Variants in METTL15 observed in about 807,000 individuals in gnomAD.
METTL15 encodes the protein 12S rRNA N(4)-cytidine methyltransferase METTL15.
In METTL15, 34 loss-of-function variants were observed where a neutral mutation model predicts 38.3. The ratio of observed to expected loss-of-function variants is 0.89; its 90% CI spans 0.68 to 1.18. The LOEUF (loss-of-function observed/expected upper bound fraction) is 1.18. Among genes scored for constraint, METTL15 ranks in the 50% most tolerant of loss-of-function variants. The pLI, the probability that METTL15 is intolerant of heterozygous loss-of-function variation, is 0.00. For missense variants in METTL15, 438 were observed against 498.4 expected (o/e 0.88, Z 1.15); for synonymous variants, 162 against 170.9 (o/e 0.95, Z 0.41).
intron 5 of METTL15, among the ~76,000 whole-genome samples, chr11:28,376,695 T>C (rs535165357): frequency 1.5e-3 from 229 of 152,134 alleles, no homozygotes; most frequent in African/African-American, 5.4e-3. Flanking sequence ...AATTTGATCC[T>C]GTCATTATGA....
intron 6 of METTL15, among the ~76,000 whole-genome samples, chr11:28,474,757 C>G (rs966825422): frequency 1.3e-5 from 2 of 152,130 alleles, no homozygotes; most frequent in African/African-American, 2.4e-5. Context: ...CAGAAATATT[C>G]CCTGTATGTG....
chr11:28,317,176 G>A (rs570940412), intron 6 of METTL15, among the ~76,000 whole-genome samples: 3 of 151,998 alleles, frequency 2.0e-5, no homozygotes, highest in Middle Eastern at 3.4e-3. Flanking sequence ...CCCATAGTGA[G>A]ATCGTGTTGT....
intron 5 of METTL15, among the ~76,000 whole-genome samples, chr11:28,415,332 C>G (rs1302654353): frequency 6.6e-6 from 1 of 152,058 alleles, no homozygotes; most frequent in African/African-American, 2.4e-5. Context: ...GTAGCTAGAG[C>G]AGTTTTTGAA....
chr11:28,406,099 T>C (rs1850671345), intron 5 of METTL15, among the ~76,000 whole-genome samples: 2 of 152,202 alleles, frequency 1.3e-5, no homozygotes, highest in Admixed American at 6.5e-5. Flanking sequence ...GGCTCTTTTT[T>C]GGTCCATATG....
chr11:28,489,305 C>A (rs940411456), intron 6 of METTL15, among the ~76,000 whole-genome samples: 1 of 152,138 alleles, frequency 6.6e-6, no homozygotes, highest in African/African-American at 2.4e-5. Flanking sequence ...ACAAGAGATT[C>A]TTTATTCAAC....
At chr11:28,391,508 T>C (rs1850507457) in intron 5 of METTL15, among the ~76,000 whole-genome samples, 1 of 152,250 alleles carries the variant, frequency 6.6e-6, no homozygotes, top group African/African-American at 2.4e-5. Flanking sequence ...CATTGCCAAG[T>C]CAATCCTAAG....
intron 5 of METTL15, among the ~76,000 whole-genome samples, chr11:28,378,414 T>C (rs1850344557): frequency 6.6e-6 from 1 of 152,122 alleles, no homozygotes; most frequent in African/African-American, 2.4e-5. Flanking sequence ...AGTGAACCGA[T>C]TTTCCAGGTG....
Position 28,202,411 on chromosome 11 carries a change from T to C in METTL15, c.271-8651T>C, listed in dbSNP as rs189426316. The stretch of plus-strand genomic sequence containing the variant: ...TAAATGTCTGGTTTTTGACTCCTTA[T>C]GGAATGCTATGTATATCTTTCTTAC... On this transcript the variant is annotated intron_variant, in intron 3 of 6. Coordinates refer to ENST00000407364, the MANE Select transcript of METTL15 (RefSeq NM_001113528.2). Among the ~76,000 whole-genome samples the C allele has an allele frequency of 1.1e-4, 16 of 152,230 alleles. No individual in the cohort carries two copies. The East Asian group carries it at 3.1e-3, about 29-fold the overall frequency.
intron 6 of METTL15, among the ~76,000 whole-genome samples, chr11:28,432,058 C>G (rs1419937853): frequency 6.6e-6 from 1 of 152,140 alleles, no homozygotes; most frequent in Non-Finnish European, 1.5e-5. Context: ...CTTCAACTTT[C>G]CACTGCAAAA....
chr11:28,511,479 G>A (rs954790220), intron 6 of METTL15, among the ~76,000 whole-genome samples: 4 of 152,282 alleles, frequency 2.6e-5, no homozygotes, highest in Non-Finnish European at 5.9e-5. Context: ...GTGGACCCTC[G>A]CTGTGAGTGT....
intron 5 of METTL15, among the ~76,000 whole-genome samples, chr11:28,402,158 G>A (rs971485435): frequency 6.6e-6 from 1 of 151,796 alleles, no homozygotes; most frequent in African/African-American, 2.4e-5. Context: ...TTATACAATA[G>A]CCAACTAAGC....
At chr11:28,393,560 G>A (rs1245286211) in intron 5 of METTL15, among the ~76,000 whole-genome samples, 1 of 152,058 alleles carries the variant, frequency 6.6e-6, no homozygotes, top group Non-Finnish European at 1.5e-5. Flanking sequence ...ACCCGTGGCT[G>A]GCAAACGGGG....
chr11:28,440,725 GCAAACA>G (rs1851027028), intron 6 of METTL15, among the ~76,000 whole-genome samples: 1 of 152,150 alleles, frequency 6.6e-6, no homozygotes, highest in Admixed American at 6.5e-5. Context: ...ACACATAAAT[GCAAACA>G]CACACATAGG....
At chr11:28,422,580 G>A (rs529097917) in intron 5 of METTL15, among the ~76,000 whole-genome samples, 1 of 152,058 alleles carries the variant, frequency 6.6e-6, no homozygotes, top group African/African-American at 2.4e-5. Flanking sequence ...AAGGTGCCAA[G>A]AACATACACT....
intron 4 of METTL15, chr11:28,261,263 C>A (rs1247857609): frequency 6.6e-6 from 1 of 152,212 alleles, no homozygotes; most frequent in Non-Finnish European, 1.5e-5. Flanking sequence ...AACACAATTA[C>A]ATTAGAAGCT....
intron 4 of METTL15, among the ~76,000 whole-genome samples, chr11:28,236,730 T>C (rs6484357): frequency 0.53 from 80,948 of 152,010 alleles, 23,007 homozygotes; most frequent in African/African-American, 0.73. Context: ...GATTTTGTAG[T>C]GGCTGGTACC....
At chr11:28,415,160 C>T (rs1850762218) in intron 5 of METTL15, among the ~76,000 whole-genome samples, 1 of 152,108 alleles carries the variant, frequency 6.6e-6, no homozygotes, top group Non-Finnish European at 1.5e-5. Context: ...TTCTTGAAGA[C>T]TTTAAATAGC....
At chr11:28,395,037 A>T (rs1037354331) in intron 5 of METTL15, among the ~76,000 whole-genome samples, 1 of 152,156 alleles carries the variant, frequency 6.6e-6, no homozygotes, top group Non-Finnish European at 1.5e-5. Context: ...AGCCATAATT[A>T]CAATAAAAAT....
At chr11:28,217,845 G>A (rs1852972410) in intron 4 of METTL15, among the ~76,000 whole-genome samples, 1 of 152,078 alleles carries the variant, frequency 6.6e-6, no homozygotes, top group Admixed American at 6.6e-5. Context: ...TTTTTGTCAG[G>A]TTTGTCAAAG....
Sources: gnomAD v4.1 joint callset for allele counts (sites outside exome capture counted in the v4.1 genomes callset) on GRCh38, gnomAD v4.1.1 for gene constraint, MANE v1.5 for transcripts, NCBI Gene and HGNC (gene_info 2026-07-23, HGNC 2026-07-21) for gene names.